The following HS6ST3 variants were observed in gnomAD, a reference collection of about 807,000 sequenced individuals.
HS6ST3 encodes heparan sulfate 6-O-sulfotransferase 3.
A neutral mutation model predicts 36.7 loss-of-function variants in HS6ST3; 12 were observed. The ratio of observed to expected loss-of-function variants is 0.33; its 90% CI spans 0.21 to 0.53. HS6ST3 has a LOEUF of 0.53. Among genes scored for constraint, HS6ST3 ranks in the 20% least tolerant of loss-of-function variants. The pLI is 0.95. For synonymous variants in HS6ST3, 240 were observed against 257.5 expected, an observed-to-expected ratio of 0.93 and a Z score of 0.65; for missense variants, 584 against 640.9, an observed-to-expected ratio of 0.91 and a Z score of 0.96.
intron 1 of HS6ST3, among the ~76,000 whole-genome samples, chr13:96,609,144 G>T (rs1566410315): frequency 6.6e-6 from 1 of 151,752 alleles, no homozygotes; most frequent in East Asian, 1.9e-4. Flanking sequence ...TAATTTTTTT[G>T]TATTTTTAGT....
intron 1 of HS6ST3, among the ~76,000 whole-genome samples, chr13:96,407,381 TC>T (rs1206866520): frequency 9.2e-5 from 14 of 152,212 alleles, no homozygotes; most frequent in Admixed American, 9.2e-4. Context: ...AGCCATTCAC[TC>T]CCTGTTTAAC....
At chr13:96,294,773 T>C (rs1274598902) in intron 1 of HS6ST3, among the ~76,000 whole-genome samples, 1 of 152,138 alleles carries the variant, frequency 6.6e-6, no homozygotes, top group African/African-American at 2.4e-5. Context: ...ATTTAGATTC[T>C]TTTAAAATAT....
rs146612284 is a variant in HS6ST3, at chr13:96,324,723, A to T, written c.707+233154A>T. Among the ~76,000 whole-genome samples the T allele has an allele frequency of 7.2e-4, 110 of 152,288 alleles. 2 individuals are homozygous for T. Among genetic ancestry groups the T allele is most frequent in the African/African-American group, 2.6e-3 (106 of 41,564 alleles). Reference sequence around the variant, plus strand: ...ACACAGAGACACATACAGAGAGAAGATGTGAAGCTAAAGAGGGAGAACACC... The same window carrying T: ...ACACAGAGACACATACAGAGAGAAGTTGTGAAGCTAAAGAGGGAGAACACC... On this transcript the variant is annotated intron_variant, in intron 1 of 1. Coordinates refer to ENST00000376705, the MANE Select transcript of HS6ST3 (RefSeq NM_153456.4).
chr13:96,406,296 A>G (rs2055477941), intron 1 of HS6ST3, among the ~76,000 whole-genome samples: 1 of 152,250 alleles, frequency 6.6e-6, no homozygotes, highest in African/African-American at 2.4e-5. Flanking sequence ...TAAGACTTAT[A>G]CCATAATTCT....
chr13:96,416,913 C>T (rs147165730), intron 1 of HS6ST3, among the ~76,000 whole-genome samples: 4 of 152,130 alleles, frequency 2.6e-5, no homozygotes, highest in African/African-American at 7.2e-5. Flanking sequence ...CCACCATGCC[C>T]GGCTAATTTT....
intron 1 of HS6ST3, among the ~76,000 whole-genome samples, chr13:96,199,155 A>G (rs75957114): frequency 6.6e-6 from 1 of 152,282 alleles, no homozygotes; most frequent in Admixed American, 6.5e-5. Flanking sequence ...ACCTCCTCCT[A>G]GATCCCTCCC....
intron 1 of HS6ST3, among the ~76,000 whole-genome samples, chr13:96,508,156 A>G (rs2056034199): frequency 6.6e-6 from 1 of 152,088 alleles, no homozygotes; most frequent in South Asian, 2.1e-4. Flanking sequence ...ATGTTGTCAT[A>G]GCTTATAACA....
At chr13:96,394,206 A>G (rs1388900601) in intron 1 of HS6ST3, among the ~76,000 whole-genome samples, 3 of 152,034 alleles carry the variant, frequency 2.0e-5, no homozygotes, top group African/African-American at 7.2e-5. Flanking sequence ...GCCCGTTTAC[A>G]TGTTGAACTT....
At position 96,811,890 on chromosome 13, in the gene HS6ST3, A is replaced by G. The variant is rs921497230; in HGVS notation, c.708-20600A>G. 2.0e-5 allele frequency among the ~76,000 whole-genome samples: 3 copies of G among 152,206 alleles called. No homozygotes were observed. In the South Asian group the frequency reaches 6.2e-4, roughly 31 times the overall value. ...ATTAGATTAGGAAGAATATGCTTAG[A>G]TCAGACTCAGGCAATGGGGAAATCT... is the stretch of plus-strand genomic sequence containing the variant. On this transcript the variant is annotated intron_variant, in intron 1 of 1. Transcript: ENST00000376705.
At chr13:96,335,718 G>T (rs2055097340) in intron 1 of HS6ST3, among the ~76,000 whole-genome samples, 1 of 152,194 alleles carries the variant, frequency 6.6e-6, no homozygotes, top group African/African-American at 2.4e-5. Flanking sequence ...GATTGGTGTA[G>T]TCCTCCTCTT....
At chr13:96,207,806 C>T (rs757186576) in intron 1 of HS6ST3, among the ~76,000 whole-genome samples, 1 of 152,042 alleles carries the variant, frequency 6.6e-6, no homozygotes, top group Non-Finnish European at 1.5e-5. Flanking sequence ...TTGTGGGGAA[C>T]AACACACACA....
intron 1 of HS6ST3, among the ~76,000 whole-genome samples, chr13:96,727,601 A>G (rs557256988): frequency 6.6e-6 from 1 of 152,308 alleles, no homozygotes; most frequent in South Asian, 2.1e-4. Flanking sequence ...AAAAAATAAA[A>G]TAAAAAATAT....
chr13:96,168,851 C>T (rs2054173341), intron 1 of HS6ST3, among the ~76,000 whole-genome samples: 1 of 152,038 alleles, frequency 6.6e-6, no homozygotes, highest in African/African-American at 2.4e-5. Flanking sequence ...GAGGTTTGGG[C>T]TTCTACTGCA....
intron 1 of HS6ST3, among the ~76,000 whole-genome samples, chr13:96,172,798 C>G (rs770650328): frequency 2.8e-4 from 43 of 152,230 alleles, no homozygotes; most frequent in Non-Finnish European, 4.1e-4. Flanking sequence ...CTTACATTGT[C>G]TTTTAATATT....
chr13:96,741,250 T>A (rs879774017), intron 1 of HS6ST3, among the ~76,000 whole-genome samples: 1 of 152,186 alleles, frequency 6.6e-6, no homozygotes, highest in Non-Finnish European at 1.5e-5. Context: ...TCCCGAAGAT[T>A]CCCTTGCTAT....
intron 1 of HS6ST3, among the ~76,000 whole-genome samples, chr13:96,696,085 G>A (rs1262843427): frequency 6.6e-6 from 1 of 152,180 alleles, no homozygotes; most frequent in Non-Finnish European, 1.5e-5. Context: ...CAGAGAAATT[G>A]TAGGAGATAT....
At chr13:96,739,545 C>T (rs1487216122) in intron 1 of HS6ST3, among the ~76,000 whole-genome samples, 4 of 152,106 alleles carry the variant, frequency 2.6e-5, no homozygotes, top group South Asian at 2.1e-4. Context: ...TGGCTAAAAT[C>T]GTTAGAGTCA....
At chr13:96,561,182 C>T (rs940922970) in intron 1 of HS6ST3, among the ~76,000 whole-genome samples, 1 of 152,090 alleles carries the variant, frequency 6.6e-6, no homozygotes, top group Non-Finnish European at 1.5e-5. Flanking sequence ...GATATAAAAA[C>T]AGACATATAG....
chr13:96,831,872 T>G lies in HS6ST3; in HGVS notation c.708-618T>G, dbSNP rs562245619. Among the ~76,000 whole-genome samples, 5 of 144,036 alleles carry G rather than the reference T, an allele frequency of 3.5e-5. No homozygotes were observed. The South Asian group carries it at 1.1e-3, about 31-fold the overall frequency. 94.5% of individuals were successfully genotyped at this position (144,036 alleles called of 152,430 possible). On this transcript the variant is annotated intron_variant, in intron 1 of 1. Transcript: ENST00000376705. ...CAGGAGGCTGAGGCAGGAGAATCGC[T>G]TGAACCCGGGAGGCAGAGGTTGCGG...
Sources: allele counts gnomAD v4.1 joint callset (sites outside exome capture counted in the v4.1 genomes callset), GRCh38; gene constraint gnomAD v4.1.1; transcripts MANE v1.5; gene names NCBI Gene and HGNC (gene_info 2026-07-23, HGNC 2026-07-21).